Variants in TTC34 observed in about 807,000 individuals in gnomAD.
The protein encoded by TTC34 is tetratricopeptide repeat protein 34.
In TTC34, 44 loss-of-function variants were observed where a neutral mutation model predicts 40.7. The observed-to-expected ratio is 1.08, with a 90% CI of 0.85 to 1.39. TTC34 has a LOEUF of 1.39. Ranked by LOEUF, TTC34 falls within the 40% of genes most tolerant of loss-of-function variation. The pLI, the probability that TTC34 is intolerant of heterozygous loss-of-function variation, is 0.00. For missense variants in TTC34, 884 were observed against 838.0 expected (o/e 1.05, Z -0.68); for synonymous variants, 422 against 398.6 (o/e 1.06, Z -0.70).
chr1:2,759,073 AC>A (rs1641602321), intron 6 of TTC34, among the ~76,000 whole-genome samples: 1 of 79,794 alleles, frequency 1.3e-5, no homozygotes, highest in African/African-American at 6.7e-5. Context: ...AGCAGAACCC[AC>A]ACCCCCAGGT....
intron 6 of TTC34, among the ~76,000 whole-genome samples, chr1:2,693,890 T>G (rs1569608326): frequency 7.4e-6 from 1 of 134,854 alleles, no homozygotes; most frequent in East Asian, 2.3e-4. Context: ...TCTGACAGAC[T>G]GGAACAGCAC....
intron 5 of TTC34, among the ~76,000 whole-genome samples, chr1:2,784,813 T>C (rs1230194731): frequency 6.6e-6 from 1 of 152,268 alleles, no homozygotes; most frequent in African/African-American, 2.4e-5. Flanking sequence ...TTCTATTTTC[T>C]TTATTATACT....
intron 6 of TTC34, among the ~76,000 whole-genome samples, chr1:2,654,866 A>G (rs1421857638): frequency 1.2e-4 from 18 of 150,534 alleles, no homozygotes; most frequent in Non-Finnish European, 1.5e-4. Flanking sequence ...GCGAGTGAGG[A>G]TCAGACAGCC....
intron 6 of TTC34, among the ~76,000 whole-genome samples, chr1:2,683,269 A>T (rs1412392386): frequency 6.6e-6 from 1 of 150,506 alleles, no homozygotes; most frequent in Non-Finnish European, 1.5e-5. Flanking sequence ...CAGCACCCAC[A>T]CCCACAGGTG....
rs1310594740 is a variant in TTC34 at position 2,752,672 on chromosome 1, A to C, written c.2226+30937T>G. Among the ~76,000 whole-genome samples, 25 of 142,666 alleles carry C rather than the reference A, an allele frequency of 1.8e-4. 1 individual carries two copies. The highest frequency in any genetic ancestry group is 6.6e-4 in the African/African-American group (24 of 36,380). 93.6% of individuals were successfully genotyped at this position (142,666 alleles called of 152,430 possible). On this transcript the variant is annotated intron_variant, in intron 6 of 8. Transcript: ENST00000401095. ...ACACACCCCCAGGCGAGCATCTGACAACCTGCAACAGCACCCATACGCCCA... is the reference window on the plus strand; with the variant it reads ...ACACACCCCCAGGCGAGCATCTGACCACCTGCAACAGCACCCATACGCCCA...
At position 2,645,480 on chromosome 1, in the gene TTC34, G is replaced by A. The variant is rs1218925736; in HGVS notation, c.2310C>T (p.Ala770=). The change falls in exon 7 of 9, where the codon GCC becomes GCT. Residue 770 remains alanine, a synonymous_variant. Coordinates refer to ENST00000401095, the Ensembl canonical transcript of TTC34. The surrounding 1 kb of genome is among the most constrained non-coding windows in gnomAD (Gnocchi z 4.7). ...AGAGGCCCTGTGTGATGAGGGCCTG[G>A]GCTTCCGGCTTCAGAGAGCGGAGCT... 1 of 1,532,262 alleles carries A rather than the reference G, an allele frequency of 6.5e-7. No homozygotes were observed. The highest frequency in any genetic ancestry group is 2.0e-5 in the Admixed American group (1 of 50,660). 94.9% of individuals were successfully genotyped at this position (1,532,262 alleles called of 1,614,324 possible). A position where few individuals can be genotyped will look rare whatever the true frequency, so the allele number is the denominator to read the frequency against.
intron 6 of TTC34, among the ~76,000 whole-genome samples, chr1:2,753,781 T>C (rs1299454757): frequency 0.055 from 455 of 8,254 alleles, no homozygotes; most frequent in East Asian, 0.088. Context: ...CCCACACCCC[T>C]AGGTGAGCAT....
chr1:2,776,146 C>T (rs1289085753), intron 6 of TTC34: 1 of 134,426 alleles, frequency 7.4e-6, no homozygotes, highest in Non-Finnish European at 1.5e-5. Context: ...GTCTGACAGC[C>T]TGGAACAGCA....
chr1:2,769,773 C>T (rs1363606888), intron 6 of TTC34, among the ~76,000 whole-genome samples: 3 of 145,270 alleles, frequency 2.1e-5, no homozygotes, highest in East Asian at 2.0e-4. Flanking sequence ...CATCTGACAG[C>T]GTGGAGCAGC....
intron 6 of TTC34, among the ~76,000 whole-genome samples, chr1:2,767,340 CCG>C: frequency 1.8e-5 from 1 of 56,346 alleles, no homozygotes; most frequent in African/African-American, 7.8e-5. Context: ...GAGCATCTGA[CCG>C]CATGGAATGT....
intron 6 of TTC34, among the ~76,000 whole-genome samples, chr1:2,750,386 C>T (rs1203451765): frequency 9.0e-6 from 1 of 111,420 alleles, no homozygotes; most frequent in Non-Finnish European, 1.8e-5. Flanking sequence ...CATCTGACAG[C>T]CTGGAACAGC....
intron 6 of TTC34, among the ~76,000 whole-genome samples, chr1:2,771,748 G>C (rs564658769): frequency 7.6e-6 from 1 of 130,750 alleles, no homozygotes; most frequent in Non-Finnish European, 1.6e-5. Context: ...CTGACAGCCC[G>C]GAGCAGCGTC....
At chr1:2,747,962 A>C (rs1160553859) in intron 6 of TTC34, among the ~76,000 whole-genome samples, 1 of 43,954 alleles carries the variant, frequency 2.3e-5, no homozygotes. Flanking sequence ...CCCCACACCC[A>C]TAGGTGAGCA....
At chr1:2,686,875 C>A (rs1425638365) in intron 6 of TTC34, among the ~76,000 whole-genome samples, 1 of 139,180 alleles carries the variant, frequency 7.2e-6, no homozygotes, top group Non-Finnish European at 1.5e-5. Flanking sequence ...CCTGGAGCAG[C>A]ACCCACACCC....
At position 2,749,313 on chromosome 1, in the gene TTC34, G is replaced by T. The variant is rs1396100238; in HGVS notation, c.2226+34296C>A. 1.2e-4 allele frequency among the ~76,000 whole-genome samples: 5 copies of T among 40,992 alleles called. 2 individuals carry two copies. The highest frequency in any genetic ancestry group is 2.0e-4 in the Non-Finnish European group (5 of 25,572). The allele number at this position is 40,992 out of a possible 152,430, so 26.9% of individuals were successfully genotyped here. On this transcript the variant is annotated intron_variant, in intron 6 of 8. Coordinates refer to ENST00000401095, the Ensembl canonical transcript of TTC34. ...GGTGAGCATCGGAGAGTCTGGAACA[G>T]AACCCACACCCACAGGTGAGCATCT...
chr1:2,801,613 C>G (rs1643774456), exon 1 of TTC34: 1 of 152,388 alleles, frequency 6.6e-6, no homozygotes, highest in Non-Finnish European at 1.5e-5. Flanking sequence ...CGGCTGTGCC[C>G]TGGGGACCCA....
intron 6 of TTC34, among the ~76,000 whole-genome samples, chr1:2,683,324 T>A (rs1259951817): frequency 1.4e-5 from 2 of 146,720 alleles, no homozygotes; most frequent in South Asian, 2.2e-4. Flanking sequence ...CAGGTGAGCA[T>A]CTGACAGACT....
chr1:2,773,018 C>G (rs1445322934), intron 6 of TTC34, among the ~76,000 whole-genome samples: 4 of 147,122 alleles, frequency 2.7e-5, no homozygotes, highest in Admixed American at 6.7e-5. Flanking sequence ...GCACCCACAC[C>G]CCCAGGCGAG....
chr1:2,800,308 C>T (rs1419617700), exon 2 of TTC34: 2 of 398,506 alleles, frequency 5.0e-6, no homozygotes, highest in Non-Finnish European at 8.8e-6. Context: ...CGAATGAAAG[C>T]TACCGTCCGG....
Sources: allele counts gnomAD v4.1 joint callset (sites outside exome capture counted in the v4.1 genomes callset), GRCh38; gene constraint gnomAD v4.1.1; non-coding constraint Gnocchi (gnomAD v3.1); transcripts MANE v1.5; gene names NCBI Gene and HGNC (gene_info 2026-07-23, HGNC 2026-07-21).